The following DMD variants were observed in gnomAD, a reference collection of about 807,000 sequenced individuals.
The protein encoded by DMD is dystrophin.
DMD carries 63 observed loss-of-function variants against 330.1 expected under a neutral mutation model. The ratio of observed to expected loss-of-function variants is 0.19; its 90% CI spans 0.16 to 0.24. The LOEUF is 0.24. Among genes scored for constraint, DMD ranks in the 10% least tolerant of loss-of-function variants. The pLI, the probability that DMD is intolerant of heterozygous loss-of-function variation, is 1.00. For synonymous variants in DMD, 1,223 were observed against 959.8 expected, an observed-to-expected ratio of 1.27 and a Z score of -5.07; for missense variants, 3,344 against 2,684.1, an observed-to-expected ratio of 1.25 and a Z score of -5.43.
chrX:32,431,051 C>T (rs67260024), intron 29 of DMD, among the ~76,000 whole-genome samples: 20,645 of 111,031 alleles, frequency 0.19, 1,703 homozygotes, highest in African/African-American at 0.31. Context: ...TTGTGATTCT[C>T]ATTCAATTTC....
At chrX:32,229,649 CAT>C (rs550544963) in intron 43 of DMD, among the ~76,000 whole-genome samples, 10,156 of 60,984 alleles carry the variant, frequency 0.17, 779 homozygotes, top group Non-Finnish European at 0.18. Flanking sequence ...ACATATTTTA[CAT>C]ATATATATAT....
intron 44 of DMD, among the ~76,000 whole-genome samples, chrX:32,066,780 G>A (rs761098140): frequency 1.2e-3 from 134 of 111,374 alleles, no homozygotes; most frequent in Middle Eastern, 4.6e-3. Context: ...ACTTCTGTGC[G>A]CACAAACTAA....
At chrX:31,514,362 G>A (rs1377922790) in intron 55 of DMD, among the ~76,000 whole-genome samples, 1 of 111,421 alleles carries the variant, frequency 9.0e-6, no homozygotes, top group African/African-American at 3.3e-5. Context: ...GCAGTTTTAG[G>A]AGTAGGGGAG....
rs766940769 is a variant in DMD, at chrX:32,658,194, G to A, written c.961-13042C>T. Among the ~76,000 whole-genome samples, 9 of 110,704 alleles carry A rather than the reference G, an allele frequency of 8.1e-5. No homozygotes were observed. In the East Asian group the frequency reaches 2.6e-3, roughly 32 times the overall value. On this transcript the variant is annotated intron_variant, in intron 9 of 78. Coordinates refer to ENST00000357033, the MANE Select transcript of DMD (RefSeq NM_004006.3). ...TTTCTCATCATTTATAATATTCTTA[G>A]CTATGTACTCATTTATTCCACAAGT...
At chrX:33,233,851 T>A (rs192658106) in intron 1 of DMD, among the ~76,000 whole-genome samples, 375 of 112,308 alleles carry the variant, frequency 3.3e-3, no homozygotes, top group Non-Finnish European at 5.3e-3. Context: ...TGTAACAAAA[T>A]CCTCATTATA....
chrX:31,951,040 T>C (rs1455924112), intron 45 of DMD, among the ~76,000 whole-genome samples: 1 of 102,480 alleles, frequency 9.8e-6, no homozygotes, highest in African/African-American at 3.5e-5. Flanking sequence ...GGATTTTGGA[T>C]TTCTTTAGAT....
chrX:32,816,772 G>T (rs988655130), intron 5 of DMD, 132 bp from the exon 6 acceptor site: 12 of 583,957 alleles, frequency 2.1e-5, no homozygotes, highest in Non-Finnish European at 3.0e-5. Context: ...AGACATAATA[G>T]ATTCTACCAG....
chrX:32,651,547 G>T (rs759726074), intron 9 of DMD, among the ~76,000 whole-genome samples: 1 of 111,764 alleles, frequency 8.9e-6, no homozygotes, highest in Admixed American at 9.5e-5. Flanking sequence ...TCTTCATTAC[G>T]TTGCTGAGTA....
chrX:32,514,598 G>A (rs1335571311), intron 18 of DMD, among the ~76,000 whole-genome samples: 3 of 111,879 alleles, frequency 2.7e-5, no homozygotes, highest in African/African-American at 9.7e-5. Flanking sequence ...AAACTTAGCC[G>A]GGTGTGGTGG....
intron 2 of DMD, among the ~76,000 whole-genome samples, chrX:32,869,150 G>A (rs767239990): frequency 3.6e-5 from 4 of 110,998 alleles, no homozygotes; most frequent in South Asian, 7.7e-4. Context: ...CCAACAAACT[G>A]CAGCAGCCCT....
chrX:32,831,843 C>T (rs1169435081), intron 4 of DMD, among the ~76,000 whole-genome samples: 4 of 110,450 alleles, frequency 3.6e-5, no homozygotes, highest in Admixed American at 9.7e-5. Flanking sequence ...TAAGCATTTG[C>T]GGTTTTAACT....
intron 44 of DMD, among the ~76,000 whole-genome samples, chrX:31,968,987 A>G (rs1027227611): frequency 9.0e-6 from 1 of 111,618 alleles, no homozygotes; most frequent in Non-Finnish European, 1.9e-5. Flanking sequence ...AACTCTAGAG[A>G]TATTTAAATA....
intron 17 of DMD, among the ~76,000 whole-genome samples, chrX:32,532,677 T>C (rs59636434): frequency 0.084 from 9,452 of 112,390 alleles, 939 homozygotes; most frequent in African/African-American, 0.28. Context: ...ATATCTTCCA[T>C]GATCCTTTTT....
At chrX:31,899,335 G>C (rs1200020853) in intron 47 of DMD, among the ~76,000 whole-genome samples, 1 of 63,682 alleles carries the variant, frequency 1.6e-5, no homozygotes, top group Non-Finnish European at 2.7e-5. Context: ...TTGAAGAACA[G>C]GCTTTTTTTT....
At chrX:33,261,827 G>A (rs1455514632) in intron 1 of DMD, among the ~76,000 whole-genome samples, 1 of 110,206 alleles carries the variant, frequency 9.1e-6, no homozygotes, top group Non-Finnish European at 1.9e-5. Context: ...CAAAGTGGTG[G>A]AACAGATATA....
At chrX:32,552,149 A>G (rs184394905) in intron 16 of DMD, among the ~76,000 whole-genome samples, 108 of 112,254 alleles carry the variant, frequency 9.6e-4, no homozygotes, top group African/African-American at 3.4e-3. Context: ...GAGCCACTAA[A>G]AGAGCCAGAA....
At chrX:32,451,729 AAATGAGCACAGGTAGAAGTCTGGAC>A (rs1208753380) in intron 26 of DMD, among the ~76,000 whole-genome samples, 1 of 110,728 alleles carries the variant, frequency 9.0e-6, no homozygotes, top group African/African-American at 3.3e-5. Flanking sequence ...ATTAGCTATC[AAATGAGCACAGGTAGAAGTCTGGAC>A]AAGGTACTAT....
intron 1 of DMD, chrX:33,128,532 A>G (rs1569555970): frequency 1.4e-6 from 1 of 738,295 alleles, no homozygotes; most frequent in Non-Finnish European, 1.6e-6. Flanking sequence ...TCTAGAAATA[A>G]CTGTGTCGTC....
chrX:32,474,503 A>T (rs1297922596), intron 21 of DMD, among the ~76,000 whole-genome samples: 2 of 111,682 alleles, frequency 1.8e-5, no homozygotes, highest in Non-Finnish European at 3.8e-5. Flanking sequence ...TTACCTGATC[A>T]CCACATCCAC....
Sources: gnomAD v4.1 joint callset for allele counts (sites outside exome capture counted in the v4.1 genomes callset) on GRCh38, gnomAD v4.1.1 for gene constraint, MANE v1.5 for transcripts, NCBI Gene and HGNC (gene_info 2026-07-23, HGNC 2026-07-21) for gene names.